The following TMTC4 variants were observed in gnomAD, a reference collection of about 807,000 sequenced individuals.
The protein encoded by TMTC4 is transmembrane O-mannosyltransferase targeting cadherins 4.
In TMTC4, 65 loss-of-function variants were observed where a neutral mutation model predicts 86.0. The observed-to-expected ratio is 0.76, with a 90% CI of 0.62 to 0.93. The LOEUF (loss-of-function observed/expected upper bound fraction) is 0.93, where lower values mean the gene tolerates loss of function less well. Ranked by LOEUF, TMTC4 falls within the 40% of genes least tolerant of loss-of-function variation. The probability of loss-of-function intolerance (pLI) is 0.00; values close to 1 mark genes in which losing one functional copy is unlikely to be tolerated. For missense variants in TMTC4, 866 were observed against 948.1 expected (o/e 0.91, Z 1.14); for synonymous variants, 379 against 382.5 (o/e 0.99, Z 0.11).
In TMTC4 at chr13:100,605,162, A is replaced by AT. The variant is rs1306851937; in HGVS notation, c.2135-21dup. 1 of 1,605,924 alleles carries AT rather than the reference A, an allele frequency of 6.2e-7. No homozygotes were observed. The highest frequency in any genetic ancestry group is 8.5e-7 in the Non-Finnish European group (1 of 1,176,346). ...GCACAGCTGAAATAGCAGGAGATAA[A>AT]TTTCACTGGGAATGCTTCTGAGTAA... On this transcript the variant is annotated intron_variant, in intron 18 of 18. Transcript: ENST00000342624. This position sits in a 1 kb window ranked among gnomAD's most constrained non-coding sequence, Gnocchi z 4.3.
At position 100,664,322 on chromosome 13, in the gene TMTC4, T is replaced by C. The variant is rs777602559; in HGVS notation, c.234A>G (p.Glu78=). 6.2e-7 allele frequency: 1 copy of C among 1,609,292 alleles called. No individual in the cohort carries two copies. The highest frequency in any genetic ancestry group is 2.3e-5 in the East Asian group (1 of 44,434). The change falls in exon 4 of 19, where the codon GAA becomes GAG. Residue 78 remains glutamate (E), a synonymous_variant. Coordinates refer to ENST00000342624, the MANE Select transcript of TMTC4 (RefSeq NM_032813.5). ...GATGCCACAGGTCCCCCAGGGGCGT[T>C]TCTGCTTGGAGGTCCTGCAGGGTCA... The part of the protein sequence containing the change: ...AIVNNKDLQA[E]TPLGDLWHHD...
At chr13:100,668,216 G>GTTTT in intron 3 of TMTC4, 2 of 157,500 alleles carry the variant, frequency 1.3e-5, no homozygotes, top group Admixed American at 6.4e-5. Flanking sequence ...TGCGTGATGG[G>GTTTT]TTTTTTTTTT....
In TMTC4 at chr13:100,605,119, G is replaced by A; in HGVS notation, c.2158C>T (p.His720Tyr). ...NLAVLYHRWG[H>Y]LDLAKKHYEI... ...TAGTGTTTCTTGGCCAAGTCTAGATGTCCCCAACGATGATAAAGCACAGCT... is the reference window on the plus strand; with the variant it reads ...TAGTGTTTCTTGGCCAAGTCTAGATATCCCCAACGATGATAAAGCACAGCT... The change falls in exon 19 of 19, where the codon CAT (histidine) becomes TAT (tyrosine). Residue 720 changes from histidine (H) to tyrosine (Y), a missense_variant. Physicochemically the swap from His to Tyr is moderately conservative, Grantham distance 83. Coordinates refer to ENST00000342624, the MANE Select transcript of TMTC4 (RefSeq NM_032813.5). The surrounding 1 kb of genome is among the most constrained non-coding windows in gnomAD (Gnocchi z 4.3). The A allele has an allele frequency of 1.2e-6, 2 of 1,612,586 alleles. No homozygotes were observed. Among genetic ancestry groups the A allele is most frequent in the Non-Finnish European group, 1.7e-6 (2 of 1,179,538 alleles).
intron 3 of TMTC4, among the ~76,000 whole-genome samples, chr13:100,665,079 C>A (rs987558070): frequency 1.3e-5 from 2 of 151,812 alleles, no homozygotes; most frequent in Non-Finnish European, 2.9e-5. Context: ...AGAAAAAAAA[C>A]CTTAATTTTT....
chr13:100,663,402 CAT>C (rs913156224), intron 4 of TMTC4, among the ~76,000 whole-genome samples: 2 of 152,128 alleles, frequency 1.3e-5, no homozygotes, highest in Admixed American at 6.5e-5. Flanking sequence ...ACGGATGAAA[CAT>C]ATGTGTCCAA....
At chr13:100,624,906 A>G (rs967810629) in intron 15 of TMTC4, 1 of 152,366 alleles carries the variant, frequency 6.6e-6, no homozygotes, top group Non-Finnish European at 1.5e-5. Context: ...GAATTTTGCT[A>G]TGTGTGTGTC....
At chr13:100,635,681 T>G (rs952935397) in intron 10 of TMTC4, 1 of 153,116 alleles carries the variant, frequency 6.5e-6, no homozygotes, top group African/African-American at 2.4e-5. Context: ...ACAAATACCA[T>G]TTTTTGGTTG....
At chr13:100,634,298 T>A (rs1471276000) in intron 12 of TMTC4, among the ~76,000 whole-genome samples, 1 of 152,124 alleles carries the variant, frequency 6.6e-6, no homozygotes, top group Non-Finnish European at 1.5e-5. Context: ...CACCCAAAGG[T>A]GACATAAATG....
At chr13:100,656,596 G>A (rs1885152976) in intron 5 of TMTC4, 128 bp from the exon 6 acceptor site, 2 of 636,108 alleles carry the variant, frequency 3.1e-6, no homozygotes, top group South Asian at 2.1e-5. Flanking sequence ...AGGCTGGAGT[G>A]CAGCAGTGTG....
intron 15 of TMTC4, among the ~76,000 whole-genome samples, chr13:100,623,433 A>C (rs1376509184): frequency 6.6e-6 from 1 of 152,178 alleles, no homozygotes; most frequent in Non-Finnish European, 1.5e-5. Context: ...TGGTTTCGCC[A>C]TGTTGGCCAG....
At chr13:100,673,009 C>T (rs549655014) in intron 1 of TMTC4, among the ~76,000 whole-genome samples, 9 of 152,162 alleles carry the variant, frequency 5.9e-5, no homozygotes, top group Non-Finnish European at 8.8e-5. Context: ...GAGGGCACAA[C>T]CCAGGAGGAA....
At chr13:100,645,107 C>T (rs1026034108) in intron 6 of TMTC4, among the ~76,000 whole-genome samples, 5 of 152,188 alleles carry the variant, frequency 3.3e-5, no homozygotes, top group African/African-American at 4.8e-5. Context: ...CCACTGCACC[C>T]GGCCTGAACA....
At chr13:100,651,086 T>C (rs1884377165) in intron 6 of TMTC4, among the ~76,000 whole-genome samples, 1 of 152,226 alleles carries the variant, frequency 6.6e-6, no homozygotes, top group South Asian at 2.1e-4. Context: ...ATGGTTGTTC[T>C]AGGTATATAG....
intron 2 of TMTC4, among the ~76,000 whole-genome samples, chr13:100,669,937 G>A (rs950712344): frequency 2.0e-5 from 3 of 152,168 alleles, no homozygotes; most frequent in Non-Finnish European, 4.4e-5. Flanking sequence ...GATGGTAAGA[G>A]TGCCTACCTT....
intron 5 of TMTC4, among the ~76,000 whole-genome samples, chr13:100,658,669 T>A (rs188279894): frequency 3.3e-5 from 5 of 152,206 alleles, no homozygotes; most frequent in Non-Finnish European, 4.4e-5. Flanking sequence ...GTGGCTAGTG[T>A]AGATTTGAAG....
chr13:100,647,960 C>T (rs997880707), intron 6 of TMTC4, among the ~76,000 whole-genome samples: 2 of 152,216 alleles, frequency 1.3e-5, no homozygotes, highest in Non-Finnish European at 2.9e-5. Context: ...ACTCTAAACT[C>T]CACCTCTCCC....
intron 3 of TMTC4, among the ~76,000 whole-genome samples, chr13:100,664,746 A>G (rs974645458): frequency 6.6e-6 from 1 of 152,060 alleles, no homozygotes; most frequent in Non-Finnish European, 1.5e-5. Context: ...TCCTGAGCTG[A>G]TCCCATCCCT....
At position 100,625,532 on chromosome 13, in the gene TMTC4, T is replaced by C. The variant is rs774464515; in HGVS notation, c.1836+3A>G. On this transcript the variant is annotated splice_donor_region_variant and intron_variant, in intron 15 of 18. Coordinates refer to ENST00000342624, the MANE Select transcript of TMTC4 (RefSeq NM_032813.5). ...CCACAGGCACAGGGCACCCCGCGCTTACCAGACGCCCGAGGTTGTAGTAAC... is the reference window on the plus strand; with the variant it reads ...CCACAGGCACAGGGCACCCCGCGCTCACCAGACGCCCGAGGTTGTAGTAAC... 2 of 1,613,686 alleles carry C rather than the reference T, an allele frequency of 1.2e-6. No individual in the cohort carries two copies. The highest frequency in any genetic ancestry group is 8.5e-7 in the Non-Finnish European group (1 of 1,180,060).
chr13:100,640,581 G>A (rs1340841557), intron 7 of TMTC4, among the ~76,000 whole-genome samples: 2 of 151,960 alleles, frequency 1.3e-5, no homozygotes, highest in East Asian at 1.9e-4. Flanking sequence ...GGCCAGGCGT[G>A]ACGGCTCATG....
Sources: gnomAD v4.1 joint callset for allele counts (sites outside exome capture counted in the v4.1 genomes callset) on GRCh38, gnomAD v4.1.1 for gene constraint, Gnocchi (gnomAD v3.1) non-coding constraint, MANE v1.5 for transcripts, NCBI Gene and HGNC (gene_info 2026-07-23, HGNC 2026-07-21) for gene names.